Variants in FGD2 observed in about 807,000 individuals in gnomAD.
The protein encoded by FGD2 is FYVE, RhoGEF and PH domain containing 2.
In FGD2, 52 loss-of-function variants were observed where a neutral mutation model predicts 75.9. The observed-to-expected ratio is 0.69, with a 90% confidence interval of 0.55 to 0.86. FGD2 has a LOEUF of 0.86. FGD2 is among the 40% of genes least tolerant of loss of function. The pLI is 0.00. For missense variants in FGD2, 790 were observed against 872.0 expected, an observed-to-expected ratio of 0.91 and a Z score of 1.18; for synonymous variants, 347 against 348.6, an observed-to-expected ratio of 1.00 and a Z score of 0.05.
intron 9 of FGD2, among the ~76,000 whole-genome samples, chr6:37,019,032 G>C (rs1033483154): frequency 5.3e-5 from 8 of 152,206 alleles, no homozygotes; most frequent in Admixed American, 1.3e-4. Flanking sequence ...CCTCAGGTCA[G>C]GAGCCCCCAG....
intron 3 of FGD2, 78 bp from the exon 4 acceptor site, chr6:37,011,628 T>A: frequency 6.3e-7 from 1 of 1,590,526 alleles, no homozygotes; most frequent in African/African-American, 1.3e-5. Flanking sequence ...GTAGGCTTGG[T>A]GGGACCCTAG....
At chr6:37,027,902 T>C (rs775175410) in intron 15 of FGD2, 46 bp from the exon 16 acceptor site, 11 of 1,595,744 alleles carry the variant, frequency 6.9e-6, no homozygotes, top group Non-Finnish European at 8.6e-6. Flanking sequence ...TCTGGGGCAG[T>C]AGGACTGAGA....
chr6:37,012,256 T>C (rs1401849653), intron 4 of FGD2, among the ~76,000 whole-genome samples: 1 of 152,244 alleles, frequency 6.6e-6, no homozygotes, highest in East Asian at 1.9e-4. Context: ...TTTTCACAGA[T>C]GGCCACTAAA....
At chr6:37,009,104 T>A in intron 2 of FGD2, 39 bp downstream of exon 2, 1 of 1,582,094 alleles carries the variant, frequency 6.3e-7, no homozygotes. Context: ...GGTGCTGGGG[T>A]GGGGAGCTCT....
intron 2 of FGD2, 176 bp downstream of exon 2, chr6:37,009,241 C>T: frequency 1.6e-6 from 1 of 618,174 alleles, no homozygotes; most frequent in Non-Finnish European, 2.8e-6. Context: ...GATTCACTAA[C>T]TGCCTGCTAC....
In FGD2 at chr6:37,011,063, G is replaced by A. The variant is rs1764980962; in HGVS notation, c.378+13G>A. 12 of 1,613,770 alleles carry A rather than the reference G, an allele frequency of 7.4e-6. No homozygotes were observed. Among genetic ancestry groups the A allele is most frequent in the Non-Finnish European group, 1.0e-5 (12 of 1,179,736 alleles). On this transcript the variant is annotated intron_variant, in intron 3 of 15. Coordinates refer to ENST00000274963, the MANE Select transcript of FGD2 (RefSeq NM_173558.4). ...CCTGCTAGACCAGGCCAGTGACCAG[G>A]ACACCCCCCTCTAGAGCCCCAGCCC...
intron 11 of FGD2, among the ~76,000 whole-genome samples, 179 bp from the exon 12 acceptor site, chr6:37,021,333 C>G (rs1765580342): frequency 6.6e-6 from 1 of 152,180 alleles, no homozygotes; most frequent in East Asian, 1.9e-4. Flanking sequence ...GTTTTTACAT[C>G]TGTAACCTGG....
Position 37,028,538 on chromosome 6 carries a change from T to A in FGD2, c.*375T>A, listed in dbSNP as rs576784851. 23 of 187,584 alleles carry A rather than the reference T, an allele frequency of 1.2e-4. No homozygotes were observed. The highest frequency in any genetic ancestry group is 2.4e-4 in the Non-Finnish European group (22 of 91,938). 11.6% of individuals were successfully genotyped at this position (187,584 alleles called of 1,614,324 possible). A position where few individuals can be genotyped will look rare whatever the true frequency, so the allele number is the denominator to read the frequency against. On this transcript the variant is annotated 3_prime_UTR_variant, in exon 16 of 16. Transcript: ENST00000274963. ...TGAAAAACACATAGTAAATTAATTT[T>A]AAAAATGTAAAAAACAATGCCTGTA...
intron 1 of FGD2, among the ~76,000 whole-genome samples, chr6:37,007,213 A>G (rs1764794715): frequency 6.6e-6 from 1 of 152,202 alleles, no homozygotes; most frequent in Admixed American, 6.5e-5. Flanking sequence ...TAGATGTCCT[A>G]GGAATGGCCC....
At chr6:37,007,638 G>A (rs1764816701) in intron 1 of FGD2, among the ~76,000 whole-genome samples, 1 of 152,250 alleles carries the variant, frequency 6.6e-6, no homozygotes, top group Non-Finnish European at 1.5e-5. Flanking sequence ...CTTGGCCTGG[G>A]CTTCCTTATG....
chr6:37,016,192 T>C (rs1345443961), intron 9 of FGD2, among the ~76,000 whole-genome samples: 1 of 152,218 alleles, frequency 6.6e-6, no homozygotes, highest in Non-Finnish European at 1.5e-5. Flanking sequence ...ATGCAGGTTC[T>C]GAATCAGGAG....
intron 14 of FGD2, chr6:37,026,232 T>C (rs921256969): frequency 2.0e-5 from 20 of 985,276 alleles, no homozygotes; most frequent in African/African-American, 3.5e-5. Context: ...GGACAGCTCA[T>C]GTTCACGTCC....
intron 4 of FGD2, chr6:37,013,119 G>C (rs998594397): frequency 1.3e-5 from 2 of 153,132 alleles, no homozygotes; most frequent in Non-Finnish European, 2.9e-5. Context: ...CCTGCCTCAG[G>C]CCTTGCAGAG....
chr6:37,027,631 T>C (rs752763222), intron 15 of FGD2, 56 bp downstream of exon 15: 3 of 1,601,932 alleles, frequency 1.9e-6, no homozygotes, highest in Admixed American at 1.7e-5. Flanking sequence ...ACAGCGTGTG[T>C]GTGAAGGGGG....
intron 13 of FGD2, 45 bp from the exon 14 acceptor site, chr6:37,025,747 C>T (rs767789132): frequency 4.0e-5 from 64 of 1,608,946 alleles, no homozygotes; most frequent in Non-Finnish European, 5.3e-5. Context: ...CCCAGCCCTC[C>T]GGTGCCTGGT....
At position 37,015,809 on chromosome 6, in the gene FGD2, G is replaced by A; in HGVS notation, c.1071G>A (p.Gln357=). 1 of 1,597,160 alleles carries A rather than the reference G, an allele frequency of 6.3e-7. No individual in the cohort carries two copies. The highest frequency in any genetic ancestry group is 2.3e-5 in the East Asian group (1 of 44,286). ...TCTACTGTGTGCCCAGGGTGATCCA[G>A]GTGGGCGCCCAGTTCCAGGTGAGGA... ...MLLYCVPRVI[Q]VGAQFQVRTR... Residue 357 remains glutamine, a synonymous_variant, in exon 9 of 16, where the codon CAG becomes CAA. Coordinates refer to ENST00000274963, the MANE Select transcript of FGD2 (RefSeq NM_173558.4).
chr6:37,015,896 C>T (rs142215592), intron 9 of FGD2, 36 bp downstream of exon 9: 3 of 1,540,312 alleles, frequency 1.9e-6, no homozygotes, highest in East Asian at 4.8e-5. Context: ...GGCTCCACCT[C>T]AAGGGTAGGA....
At position 37,027,486 on chromosome 6, in the gene FGD2, G is replaced by A. The variant is rs765318959; in HGVS notation, c.1663G>A (p.Gly555Arg). The A allele has an allele frequency of 1.2e-5, 19 of 1,613,822 alleles. No homozygotes were observed. The highest frequency in any genetic ancestry group is 2.2e-5 in the East Asian group (1 of 44,882). ...SLMCSFLQLI[G>R]DKWGKSGPRG... ...GATGTGCAGCTTCCTGCAGCTCATCGGGGACAAGTGGGGCAAGAGCGGCCC... is the reference window on the plus strand; with the variant it reads ...GATGTGCAGCTTCCTGCAGCTCATCAGGGACAAGTGGGGCAAGAGCGGCCC... The change falls in exon 15 of 16, where the codon GGG (glycine) becomes AGG (arginine). Residue 555 changes from glycine (G) to arginine (R), a missense_variant. Gly to Arg is a moderately radical substitution (Grantham distance 125, BLOSUM62 -2). Transcript: ENST00000274963.
chr6:37,010,855 A>C, intron 2 of FGD2, 118 bp from the exon 3 acceptor site: 1 of 952,792 alleles, frequency 1.0e-6, no homozygotes. Context: ...GGAGGCCATG[A>C]ATCCCGGGAG....
Sources: gnomAD v4.1 joint callset for allele counts (sites outside exome capture counted in the v4.1 genomes callset) on GRCh38, gnomAD v4.1.1 for gene constraint, MANE v1.5 for transcripts, NCBI Gene and HGNC (gene_info 2026-07-23, HGNC 2026-07-21) for gene names.